STK32B: variants seen among roughly 807,000 people sequenced by gnomAD.
STK32B encodes the protein serine/threonine kinase 32B, also known as serine/threonine-protein kinase 32B.
Under a neutral mutation model 52.6 loss-of-function variants are expected in STK32B, and 43 were observed. That is an observed-to-expected ratio of 0.82 (90% CI 0.64 to 1.05). The LOEUF is 1.05. Among genes scored for constraint, STK32B ranks in the 50% least tolerant of loss-of-function variants. STK32B has a pLI of 0.00. For synonymous variants in STK32B, 238 were observed against 204.3 expected, an observed-to-expected ratio of 1.17 and a Z score of -1.41; for missense variants, 621 against 534.6, an observed-to-expected ratio of 1.16 and a Z score of -1.59.
rs867105328 is a variant in STK32B at position 5,357,098 on chromosome 4, C to T, written c.434+25705C>T. Among the ~76,000 whole-genome samples the T allele has an allele frequency of 6.5e-3, 990 of 151,980 alleles. 8 individuals carry two copies. The highest frequency in any genetic ancestry group is 0.023 in the African/African-American group (935 of 41,446). On this transcript the variant is annotated intron_variant, in intron 4 of 11. Transcript: ENST00000282908. Reference sequence around the variant, plus strand: ...ACACACACACACGTATACACACACACACACACACACACATATATATACACA... The same window carrying T: ...ACACACACACACGTATACACACACATACACACACACACATATATATACACA...
chr4:5,316,218 ATATAT>A lies in STK32B; in HGVS notation c.261-14996_261-14992del, dbSNP rs1158907230. Among the ~76,000 whole-genome samples, 38 of 76,800 alleles carry A rather than the reference ATATAT, an allele frequency of 4.9e-4. 2 individuals carry two copies. The highest frequency in any genetic ancestry group is 6.3e-4 in the East Asian group (2 of 3,154). 50.4% of individuals were successfully genotyped at this position (76,800 alleles called of 152,430 possible). On this transcript the variant is annotated intron_variant, in intron 3 of 11. Coordinates refer to ENST00000282908, the MANE Select transcript of STK32B (RefSeq NM_018401.3). ...TTAGATATATAATATATATTACATA[ATATAT>A]TATATATACAATATTATATATTGTA...
rs1577504728 is a variant in STK32B, at chr4:5,441,748, T to C, written c.563-4925T>C. ...TTTCTCTTGTGGGCATTTAGTGCTA[T>C]AAATTTCCCTCTACACACTGCTTTG... On this transcript the variant is annotated intron_variant, in intron 6 of 11. Transcript: ENST00000282908. Among the ~76,000 whole-genome samples, 9 of 149,818 alleles carry C rather than the reference T, an allele frequency of 6.0e-5. No individual in the cohort carries two copies. The South Asian group carries it at 2.0e-3, about 33-fold the overall frequency.
chr4:5,041,262 C>T, the STK32B span, among the ~76,000 whole-genome samples: 5 of 152,270 alleles, frequency 3.3e-5, no homozygotes, highest in South Asian at 2.1e-4. Flanking sequence ...AGACAACACA[C>T]GCACACACAC....
chr4:5,257,605 G>A (rs928725880), intron 3 of STK32B, among the ~76,000 whole-genome samples: 8 of 152,132 alleles, frequency 5.3e-5, no homozygotes, highest in South Asian at 2.1e-4. Context: ...ATCACATCAC[G>A]CTTCTGCCAT....
At chr4:5,402,819 G>C (rs181067434) in intron 5 of STK32B, among the ~76,000 whole-genome samples, 1 of 152,200 alleles carries the variant, frequency 6.6e-6, no homozygotes, top group Non-Finnish European at 1.5e-5. Flanking sequence ...ATGGGGCTGT[G>C]GGGCAGCAGA....
chr4:5,393,910 G>A (rs1368325129), intron 4 of STK32B, among the ~76,000 whole-genome samples: 1 of 152,116 alleles, frequency 6.6e-6, no homozygotes, highest in Non-Finnish European at 1.5e-5. Context: ...TCTCCCTCTT[G>A]CATGCATATG....
intron 6 of STK32B, among the ~76,000 whole-genome samples, chr4:5,420,988 C>T (rs1035269135): frequency 6.6e-6 from 1 of 152,204 alleles, no homozygotes; most frequent in Non-Finnish European, 1.5e-5. Context: ...CAACCTCTGC[C>T]TCCCAGGTTC....
chr4:5,066,308 T>C (rs1457012680), intron 1 of STK32B, among the ~76,000 whole-genome samples: 2 of 152,172 alleles, frequency 1.3e-5, no homozygotes, highest in African/African-American at 2.4e-5. Context: ...CAAATCTGCC[T>C]GTCTTTCCAG....
chr4:5,195,010 A>G (rs1179086075), intron 3 of STK32B, among the ~76,000 whole-genome samples: 4 of 152,106 alleles, frequency 2.6e-5, no homozygotes, highest in Non-Finnish European at 5.9e-5. Context: ...ATAATTGAAC[A>G]TGAGATGTGG....
intron 3 of STK32B, among the ~76,000 whole-genome samples, chr4:5,183,777 C>T (rs999633669): frequency 7.2e-5 from 11 of 152,206 alleles, no homozygotes; most frequent in Non-Finnish European, 1.6e-4. Context: ...TTCTGCTTCA[C>T]TTTGCATTTT....
In STK32B at chr4:5,499,261, G is replaced by A; in HGVS notation, c.*178G>A. ...TCCCATCTCCATGACTGATTCACGT[G>A]TGACCTCAGACAAGTCACGCCCTCT... On this transcript the variant is annotated 3_prime_UTR_variant, in exon 12 of 12. Coordinates refer to ENST00000282908, the MANE Select transcript of STK32B (RefSeq NM_018401.3). The A allele has an allele frequency of 1.2e-6, 1 of 825,336 alleles. No homozygotes were observed. 51.1% of individuals were successfully genotyped at this position (825,336 alleles called of 1,614,324 possible).
the STK32B span, among the ~76,000 whole-genome samples, chr4:5,036,238 A>C: frequency 6.6e-6 from 1 of 152,196 alleles, no homozygotes. Flanking sequence ...TGCAGTGTGC[A>C]CGGGGACTAT....
chr4:5,363,357 T>A (rs915870091), intron 4 of STK32B, among the ~76,000 whole-genome samples: 1 of 152,210 alleles, frequency 6.6e-6, no homozygotes, highest in Admixed American at 6.5e-5. Flanking sequence ...AAAATAAAGA[T>A]TCAGAAGCTA....
In STK32B at chr4:5,398,079, T is replaced by G. The variant is rs554404401; in HGVS notation, c.435-128T>G. 151 of 891,436 alleles carry G rather than the reference T, an allele frequency of 1.7e-4. No individual in the cohort carries two copies. The African/African-American group carries it at 2.1e-3, about 12-fold the overall frequency. 55.2% of individuals were successfully genotyped at this position (891,436 alleles called of 1,614,324 possible). ...ACCAATTATTCTCCCACTCCATGTC[T>G]GAGGCTTCAGGTCAGGGAGAGGTGA... On this transcript the variant is annotated intron_variant, in intron 4 of 11. Transcript: ENST00000282908. The surrounding 1 kb of genome is among the most constrained non-coding windows in gnomAD (Gnocchi z 4.9).
intron 3 of STK32B, among the ~76,000 whole-genome samples, chr4:5,267,169 CTG>C (rs902696619): frequency 2.6e-5 from 4 of 152,120 alleles, no homozygotes; most frequent in African/African-American, 9.7e-5. Flanking sequence ...CTTGTTGAAA[CTG>C]TGAGTGAGGA....
At chr4:5,437,999 C>A in intron 6 of STK32B, 2 of 985,486 alleles carry the variant, frequency 2.0e-6, no homozygotes, top group South Asian at 9.4e-5. Flanking sequence ...CTTGTCTGAT[C>A]ATGACAGCCA....
chr4:5,433,709 G>T (rs191483389), intron 6 of STK32B, among the ~76,000 whole-genome samples: 1 of 152,230 alleles, frequency 6.6e-6, no homozygotes, highest in Non-Finnish European at 1.5e-5. Flanking sequence ...TCGCAGGCTA[G>T]ATGTTGAATA....
At chr4:5,433,268 G>A (rs745815073) in intron 6 of STK32B, among the ~76,000 whole-genome samples, 4 of 152,290 alleles carry the variant, frequency 2.6e-5, no homozygotes, top group South Asian at 4.1e-4. Flanking sequence ...TCCTAGAGTC[G>A]AAGTTGACTC....
chr4:5,310,080 C>G (rs550801988), intron 3 of STK32B, among the ~76,000 whole-genome samples: 12 of 152,056 alleles, frequency 7.9e-5, no homozygotes, highest in Non-Finnish European at 1.5e-4. Context: ...GCAGGAGAAT[C>G]GCTTGAACCC....
Sources: gnomAD v4.1 joint callset for allele counts (sites outside exome capture counted in the v4.1 genomes callset) on GRCh38, gnomAD v4.1.1 for gene constraint, Gnocchi (gnomAD v3.1) non-coding constraint, MANE v1.5 for transcripts, NCBI Gene and HGNC (gene_info 2026-07-23, HGNC 2026-07-21) for gene names.